PMS2: variants seen among roughly 807,000 people sequenced by gnomAD.
PMS2 encodes PMS1 homolog 2, mismatch repair system component, also known as mismatch repair endonuclease PMS2.
In PMS2, 69 loss-of-function variants were observed where a neutral mutation model predicts 90.0. That is an observed-to-expected ratio of 0.77 (90% confidence interval 0.63 to 0.94). PMS2 has a LOEUF of 0.94. Ranked by LOEUF, PMS2 falls within the 40% of genes least tolerant of loss-of-function variation. The pLI is 0.00. For synonymous variants in PMS2, 332 were observed against 375.1 expected, an observed-to-expected ratio of 0.89 and a Z score of 1.33; for missense variants, 966 against 1,040.2, an observed-to-expected ratio of 0.93 and a Z score of 0.98.
chr7:5,979,100 G>A (rs1245998551), intron 12 of PMS2, among the ~76,000 whole-genome samples: 2 of 143,822 alleles, frequency 1.4e-5, no homozygotes, highest in East Asian at 2.1e-4. Context: ...GGAGGCTTAG[G>A]CATGAGATTC....
intron 14 of PMS2, among the ~76,000 whole-genome samples, chr7:5,976,021 A>G (rs1278907612): frequency 2.8e-5 from 4 of 144,032 alleles, no homozygotes; most frequent in South Asian, 2.4e-4. Flanking sequence ...CGGGCAGATC[A>G]TGAGGTCAGG....
intron 7 of PMS2, among the ~76,000 whole-genome samples, chr7:5,996,943 G>C (rs2128783577): frequency 6.6e-6 from 1 of 152,216 alleles, no homozygotes. Flanking sequence ...AGCCAGGCGT[G>C]GTGGCTCATG....
intron 1 of PMS2, 80 bp from the exon 2 acceptor site, chr7:6,006,111 C>T (rs1392933666): frequency 4.8e-6 from 7 of 1,462,614 alleles, no homozygotes; most frequent in Admixed American, 1.7e-5. Flanking sequence ...GGAAATGACT[C>T]AACACTGTAA....
In PMS2 at chr7:6,006,032, C is replaced by T. The variant is rs1785723689; in HGVS notation, c.24-1G>A. 1 of 1,610,556 alleles carries T rather than the reference C, an allele frequency of 6.2e-7. No homozygotes were observed. The highest frequency in any genetic ancestry group is 1.1e-5 in the South Asian group (1 of 90,986). On this transcript the variant is annotated splice_acceptor_variant, in intron 1 of 14. Transcript: ENST00000265849. LOFTEE classifies it high-confidence loss of function. ...TTTGATGGCCTTAGCAGGTTCTGTACTAGAGAAATCAGTTACAAGAAACAA... is the reference window on the plus strand; with the variant it reads ...TTTGATGGCCTTAGCAGGTTCTGTATTAGAGAAATCAGTTACAAGAAACAA...
intron 6 of PMS2, among the ~76,000 whole-genome samples, chr7:5,998,415 G>A (rs1252949835): frequency 1.3e-5 from 2 of 149,648 alleles, no homozygotes; most frequent in African/African-American, 2.4e-5. Flanking sequence ...TTCTTAATCT[G>A]GGCGCAGTGG....
intron 12 of PMS2, among the ~76,000 whole-genome samples, chr7:5,980,975 A>G (rs1328364669): frequency 6.6e-6 from 1 of 151,708 alleles, no homozygotes; most frequent in Non-Finnish European, 1.5e-5. Flanking sequence ...AGCAAACTAC[A>G]CAGGTTCAGT....
At position 5,988,481 on chromosome 7, in the gene PMS2, T is replaced by C. The variant is rs145162608; in HGVS notation, c.1145-861A>G. Among the ~76,000 whole-genome samples, 323 of 152,190 alleles carry C rather than the reference T, an allele frequency of 2.1e-3. 1 individual carries two copies. Among genetic ancestry groups the C allele is most frequent in the African/African-American group, 7.5e-3 (313 of 41,538 alleles). ...AATGAGAATGAGGCAGGAGAATCAC[T>C]TGAACCTGGAAGGCAGGGTTGCAGC... is the stretch of plus-strand genomic sequence containing the variant. On this transcript the variant is annotated intron_variant, in intron 10 of 14. Coordinates refer to ENST00000265849, the MANE Select transcript of PMS2 (RefSeq NM_000535.7).
chr7:5,997,919 T>C (rs538085226), intron 6 of PMS2, among the ~76,000 whole-genome samples: 1 of 152,126 alleles, frequency 6.6e-6, no homozygotes, highest in South Asian at 2.1e-4. Context: ...ATAAGAAAGA[T>C]GAAACAAGTA....
chr7:6,001,020 C>A (rs1426365859), intron 5 of PMS2, among the ~76,000 whole-genome samples: 2 of 152,032 alleles, frequency 1.3e-5, no homozygotes, highest in African/African-American at 4.8e-5. Flanking sequence ...AAATTAGCAC[C>A]AAATGCTTTA....
At position 5,989,876 on chromosome 7, in the gene PMS2, C is replaced by T. The variant is rs528499793; in HGVS notation, c.1068G>A (p.Lys356=). The change falls in exon 10 of 15, where the codon AAG becomes AAA. Residue 356 remains lysine (K), a synonymous_variant. Coordinates refer to ENST00000265849, the MANE Select transcript of PMS2 (RefSeq NM_000535.7). ...TATCAAACATTCCTATCAAAGAGGT[C>T]TTTAAAACTGCCAACAAAAGCTTTT... ...QEEKLLLAVL[K]TSLIGMFDSD... 8 of 1,612,310 alleles carry T rather than the reference C, an allele frequency of 5.0e-6. No individual in the cohort carries two copies. The highest frequency in any genetic ancestry group is 1.3e-5 in the African/African-American group (1 of 75,010).
intron 8 of PMS2, among the ~76,000 whole-genome samples, chr7:5,993,568 T>C (rs572693508): frequency 6.7e-6 from 1 of 149,232 alleles, no homozygotes; most frequent in South Asian, 2.1e-4. Flanking sequence ...CTATAGAAAA[T>C]ATAGAAACCA....
At chr7:5,998,104 T>G (rs1784639825) in intron 6 of PMS2, among the ~76,000 whole-genome samples, 1 of 148,862 alleles carries the variant, frequency 6.7e-6, no homozygotes, top group South Asian at 2.1e-4. Context: ...TTTCCTGGGA[T>G]GGTGTCTTGC....
At chr7:5,996,606 T>TAC (rs1487835543) in intron 7 of PMS2, among the ~76,000 whole-genome samples, 27 of 133,054 alleles carry the variant, frequency 2.0e-4, no homozygotes, top group Non-Finnish European at 3.7e-4. Context: ...TATATATATA[T>TAC]ATATATACAC....
intron 1 of PMS2, among the ~76,000 whole-genome samples, chr7:6,006,507 G>A (rs1476495506): frequency 1.3e-5 from 2 of 152,042 alleles, no homozygotes; most frequent in South Asian, 4.1e-4. Flanking sequence ...CAAAAAATTA[G>A]CCAGGCATGG....
intron 6 of PMS2, among the ~76,000 whole-genome samples, chr7:5,998,185 G>C (rs1057138478): frequency 6.7e-6 from 1 of 150,292 alleles, no homozygotes; most frequent in African/African-American, 2.4e-5. Flanking sequence ...GGGTTCCAGC[G>C]ACTCTCCTGC....
At chr7:5,995,110 T>C (rs983708782) in intron 8 of PMS2, among the ~76,000 whole-genome samples, 5 of 152,132 alleles carry the variant, frequency 3.3e-5, no homozygotes, top group Admixed American at 1.3e-4. Context: ...TAATCTCGGC[T>C]TACTGCAAGC....
At chr7:5,984,926 T>A (rs1782695663) in intron 11 of PMS2, among the ~76,000 whole-genome samples, 1 of 151,886 alleles carries the variant, frequency 6.6e-6, no homozygotes, top group Non-Finnish European at 1.5e-5. Context: ...CCACATGGCA[T>A]GGATTACTGA....
chr7:5,980,867 T>C (rs566840253), intron 12 of PMS2, among the ~76,000 whole-genome samples: 49 of 150,560 alleles, frequency 3.3e-4, no homozygotes, highest in African/African-American at 1.1e-3. Context: ...ATAAAAACAA[T>C]TCACGCATTC....
intron 1 of PMS2, among the ~76,000 whole-genome samples, chr7:6,007,786 A>C (rs918328564): frequency 6.6e-6 from 1 of 152,140 alleles, no homozygotes; most frequent in East Asian, 1.9e-4. Context: ...GACCTCACAG[A>C]AAATGGAAAG....
Sources: allele counts gnomAD v4.1 joint callset (sites outside exome capture counted in the v4.1 genomes callset), GRCh38; gene constraint gnomAD v4.1.1; transcripts MANE v1.5; gene names NCBI Gene and HGNC (gene_info 2026-07-23, HGNC 2026-07-21).